CSMD1: variants seen among roughly 807,000 people sequenced by gnomAD.
CSMD1 encodes the protein CUB and sushi domain-containing protein 1.
Under a neutral mutation model 417.5 loss-of-function variants are expected in CSMD1, and 213 were observed. The observed-to-expected ratio is 0.51, with a 90% CI of 0.46 to 0.57. The LOEUF is 0.57. Among genes scored for constraint, CSMD1 ranks in the 20% least tolerant of loss-of-function variants. The pLI, the probability that CSMD1 is intolerant of heterozygous loss-of-function variation, is 0.00. For synonymous variants in CSMD1, 2,862 were observed against 1,736.8 expected, an observed-to-expected ratio of 1.65 and a Z score of -16.11; for missense variants, 6,923 against 4,529.7, an observed-to-expected ratio of 1.53 and a Z score of -15.17.
chr8:3,520,933 T>C (rs889957013), intron 10 of CSMD1, among the ~76,000 whole-genome samples: 4 of 152,274 alleles, frequency 2.6e-5, no homozygotes, highest in Admixed American at 6.5e-5. Flanking sequence ...GGGATGATTG[T>C]TGGTTCCTCC....
intron 1 of CSMD1, among the ~76,000 whole-genome samples, chr8:4,928,107 G>C (rs1049928088): frequency 6.6e-6 from 1 of 152,152 alleles, no homozygotes. Flanking sequence ...CTCATCCTCA[G>C]CCCACTTTGC....
chr8:3,339,885 G>A (rs1807529751), intron 23 of CSMD1, among the ~76,000 whole-genome samples: 1 of 152,210 alleles, frequency 6.6e-6, no homozygotes, highest in East Asian at 1.9e-4. Flanking sequence ...TATCTGGTAT[G>A]AACATAGACA....
chr8:4,769,582 T>A (rs566959339), intron 1 of CSMD1, among the ~76,000 whole-genome samples: 1 of 152,308 alleles, frequency 6.6e-6, no homozygotes, highest in African/African-American at 2.4e-5. Context: ...TGTTGCAAAA[T>A]AAGCATTGTA....
intron 7 of CSMD1, among the ~76,000 whole-genome samples, chr8:3,621,651 G>A (rs1796247652): frequency 6.6e-6 from 1 of 151,734 alleles, no homozygotes; most frequent in Non-Finnish European, 1.5e-5. Flanking sequence ...GCAGTGCAGT[G>A]GCATAATCAT....
intron 5 of CSMD1, among the ~76,000 whole-genome samples, chr8:3,985,888 C>T (rs933631188): frequency 1.3e-5 from 2 of 151,786 alleles, no homozygotes; most frequent in African/African-American, 4.8e-5. Context: ...CCCAATTCAT[C>T]GTGCACTCTT....
In CSMD1 at chr8:3,915,894, T is replaced by C. The variant is rs923811965; in HGVS notation, c.818+82009A>G. Among the ~76,000 whole-genome samples, 7 of 150,514 alleles carry C rather than the reference T, an allele frequency of 4.7e-5. No homozygotes were observed. The Admixed American group carries it at 4.7e-4, about 10-fold the overall frequency. Reference sequence around the variant, plus strand: ...TTTTTGAATAACAAGGAAATTAAAATCATATAAATTGTGTGAGTTATCTGA... The same window carrying C: ...TTTTTGAATAACAAGGAAATTAAAACCATATAAATTGTGTGAGTTATCTGA... On this transcript the variant is annotated intron_variant, in intron 5 of 69. Coordinates refer to ENST00000635120, the MANE Select transcript of CSMD1 (RefSeq NM_033225.6).
Position 4,199,915 on chromosome 8 carries a change from G to T in CSMD1, c.416-167816C>A, listed in dbSNP as rs533018842. Among the ~76,000 whole-genome samples, 6 of 152,198 alleles carry T rather than the reference G, an allele frequency of 3.9e-5. No homozygotes were observed. In the South Asian group the frequency reaches 1.2e-3, roughly 32 times the overall value. ...GTGGAAGACAAGTCATACATTTTGT[G>T]GTGAAGTACGGTTACAAGGAGTTTC... is the stretch of plus-strand genomic sequence containing the variant. On this transcript the variant is annotated intron_variant, in intron 3 of 69. Coordinates refer to ENST00000635120, the MANE Select transcript of CSMD1 (RefSeq NM_033225.6).
intron 1 of CSMD1, among the ~76,000 whole-genome samples, chr8:4,805,477 G>T (rs555149374): frequency 1.3e-5 from 2 of 152,206 alleles, no homozygotes; most frequent in South Asian, 4.1e-4. Context: ...GCGTCGAGAA[G>T]TCAGCGAGTG....
intron 54 of CSMD1, among the ~76,000 whole-genome samples, chr8:2,984,929 C>T (rs1805746141): frequency 6.6e-6 from 1 of 152,142 alleles, no homozygotes; most frequent in Non-Finnish European, 1.5e-5. Flanking sequence ...GTTTACATAC[C>T]CAACTTAAAA....
At chr8:3,820,782 C>T (rs1171188760) in intron 5 of CSMD1, among the ~76,000 whole-genome samples, 1 of 152,038 alleles carries the variant, frequency 6.6e-6, no homozygotes, top group African/African-American at 2.4e-5. Context: ...TGGGGTTTCG[C>T]CATGTTGGCC....
At chr8:2,966,503 A>ATT in intron 58 of CSMD1, 67 bp downstream of exon 58, 3 of 1,454,688 alleles carry the variant, frequency 2.1e-6, no homozygotes, top group Non-Finnish European at 2.8e-6. Flanking sequence ...CCTTAAAGTC[A>ATT]TTTTTTTTCC....
rs546469336 is a variant in CSMD1 at position 3,350,847 on chromosome 8, A to AT, written c.3305-2687dup. Among the ~76,000 whole-genome samples the AT allele has an allele frequency of 4.6e-4, 67 of 146,966 alleles. 1 individual carries two copies. Among genetic ancestry groups the AT allele is most frequent in the East Asian group, 4.5e-3 (23 of 5,106 alleles). ...TTTTTATTAGCCTTTGGAATCTGGG[A>AT]TTTTTTTTAAAAAAAGCAGATATAT... On this transcript the variant is annotated intron_variant, in intron 21 of 69. Coordinates refer to ENST00000635120, the MANE Select transcript of CSMD1 (RefSeq NM_033225.6).
chr8:4,021,691 AG>A (rs1796797453), intron 4 of CSMD1, among the ~76,000 whole-genome samples: 1 of 152,064 alleles, frequency 6.6e-6, no homozygotes, highest in Non-Finnish European at 1.5e-5. Flanking sequence ...ACTTGTTCGG[AG>A]TGACTATTTT....
intron 3 of CSMD1, among the ~76,000 whole-genome samples, chr8:4,276,165 T>C (rs182389959): frequency 2.6e-5 from 4 of 152,122 alleles, no homozygotes; most frequent in African/African-American, 9.7e-5. Context: ...TAAAGACACA[T>C]GCACACATAT....
intron 7 of CSMD1, among the ~76,000 whole-genome samples, chr8:3,667,115 G>C (rs1798734193): frequency 6.6e-6 from 1 of 152,080 alleles, no homozygotes; most frequent in Admixed American, 6.6e-5. Flanking sequence ...GTAGGCATTA[G>C]GGATACACCA....
intron 1 of CSMD1, among the ~76,000 whole-genome samples, chr8:4,963,877 C>A (rs913399107): frequency 4.6e-5 from 7 of 152,046 alleles, no homozygotes; most frequent in Non-Finnish European, 8.8e-5. Flanking sequence ...CATAGAAATA[C>A]CTCCACTTTC....
At chr8:3,990,298 A>T (rs2740978) in intron 5 of CSMD1, among the ~76,000 whole-genome samples, 27,532 of 152,180 alleles carry the variant, frequency 0.18, 2,962 homozygotes, top group Non-Finnish European at 0.23. Flanking sequence ...TAGGAAAAGT[A>T]TTTTTCAATA....
Position 3,271,441 on chromosome 8 carries a change from C to A in CSMD1, c.4153+12703G>T, listed in dbSNP as rs570109521. On this transcript the variant is annotated intron_variant, in intron 26 of 69. Coordinates refer to ENST00000635120, the MANE Select transcript of CSMD1 (RefSeq NM_033225.6). Reference sequence around the variant, plus strand: ...TGATTTATATTCCTTTGGGTATATACCCAGTAATGGGATGGCTGGGTCAAA... The same window carrying A: ...TGATTTATATTCCTTTGGGTATATAACCAGTAATGGGATGGCTGGGTCAAA... Among the ~76,000 whole-genome samples the A allele has an allele frequency of 2.6e-5, 4 of 151,004 alleles. No individual in the cohort carries two copies. The South Asian group carries it at 8.5e-4, about 32-fold the overall frequency.
chr8:4,492,077 G>A (rs892082676), intron 2 of CSMD1, among the ~76,000 whole-genome samples: 2 of 151,544 alleles, frequency 1.3e-5, no homozygotes, highest in African/African-American at 2.4e-5. Flanking sequence ...GACACAAAAA[G>A]ACATGAAGAA....
Sources: gnomAD v4.1 joint callset for allele counts (sites outside exome capture counted in the v4.1 genomes callset) on GRCh38, gnomAD v4.1.1 for gene constraint, MANE v1.5 for transcripts, NCBI Gene and HGNC (gene_info 2026-07-23, HGNC 2026-07-21) for gene names.